The following PIK3C2G variants were observed in gnomAD, a reference collection of about 807,000 sequenced individuals.
PIK3C2G encodes phosphatidylinositol-4-phosphate 3-kinase catalytic subunit type 2 gamma, also known as phosphatidylinositol 3-kinase C2 domain-containing subunit gamma.
Under a neutral mutation model 181.1 loss-of-function variants are expected in PIK3C2G, and 168 were observed. The observed-to-expected ratio is 0.93, with a 90% CI of 0.82 to 1.05. PIK3C2G has a LOEUF of 1.05. Among genes scored for constraint, PIK3C2G ranks in the 50% least tolerant of loss-of-function variants. PIK3C2G has a pLI of 0.00. For missense variants in PIK3C2G, 1,869 were observed against 1,732.8 expected (o/e 1.08, Z -1.40); for synonymous variants, 573 against 592.2 (o/e 0.97, Z 0.47).
chr12:18,545,496 A>G (rs1944374884), intron 25 of PIK3C2G, among the ~76,000 whole-genome samples: 1 of 151,692 alleles, frequency 6.6e-6, no homozygotes, highest in East Asian at 1.9e-4. Flanking sequence ...AGAAGTGCTG[A>G]TAACAGTCTT....
chr12:18,563,611 A>C, intron 28 of PIK3C2G, 113 bp downstream of exon 28: 1 of 896,884 alleles, frequency 1.1e-6, no homozygotes, highest in South Asian at 1.7e-5. Context: ...TCTGACTCCA[A>C]TGCCATTGAA....
At chr12:18,685,678 C>A in the PIK3C2G span, 1 of 515,032 alleles carries the variant, frequency 1.9e-6, no homozygotes, top group African/African-American at 1.9e-5. Flanking sequence ...GAAATAATTT[C>A]ATGGGGTACA....
intron 29 of PIK3C2G, among the ~76,000 whole-genome samples, chr12:18,573,026 C>A (rs148052810): frequency 6.6e-6 from 1 of 152,036 alleles, no homozygotes. Flanking sequence ...TTTCTTAAAA[C>A]GCCACTATTG....
At chr12:18,697,472 A>T in the PIK3C2G span, among the ~76,000 whole-genome samples, 1 of 152,018 alleles carries the variant, frequency 6.6e-6, no homozygotes. Flanking sequence ...TCATTTACAA[A>T]GTAATAAATG....
chr12:18,269,144 C>G (rs1948637830), intron 1 of PIK3C2G, among the ~76,000 whole-genome samples: 1 of 151,996 alleles, frequency 6.6e-6, no homozygotes, highest in Non-Finnish European at 1.5e-5. Context: ...CTCCTGGCCT[C>G]AAGTCTATCC....
rs79791360 is a variant in PIK3C2G, at chr12:18,420,973, T to C, written c.2348T>C (p.Val783Ala). 1.2e-6 allele frequency: 2 copies of C among 1,604,298 alleles called. No homozygotes were observed. Among genetic ancestry groups the C allele is most frequent in the South Asian group, 2.2e-5 (2 of 90,766 alleles). ...GATCAAGAAATTCGTAAAGTGGCAG[T>C]TCAACAATTAGACAACCTCTTGAAT... ...FPDQEIRKVA[V>A]QQLDNLLNDE... Residue 783 changes from valine to alanine, a missense_variant, in exon 17 of 33, where the codon GTT becomes GCT. Coordinates refer to ENST00000538779, the MANE Select transcript of PIK3C2G (RefSeq NM_001288772.2).
chr12:18,692,582 G>A, the PIK3C2G span, among the ~76,000 whole-genome samples: 1 of 152,028 alleles, frequency 6.6e-6, no homozygotes, highest in Non-Finnish European at 1.5e-5. Context: ...GTGCTAGGTG[G>A]GATACAGACA....
chr12:18,366,852 A>T (rs974883665), intron 12 of PIK3C2G, among the ~76,000 whole-genome samples: 2 of 152,092 alleles, frequency 1.3e-5, no homozygotes, highest in African/African-American at 4.8e-5. Context: ...AAGTTAAAAA[A>T]ATTTTCAGTG....
intron 18 of PIK3C2G, among the ~76,000 whole-genome samples, chr12:18,434,497 T>G (rs764577061): frequency 2.6e-5 from 4 of 152,060 alleles, no homozygotes; most frequent in African/African-American, 4.8e-5. Flanking sequence ...TCATAGCATA[T>G]AATTGTAGAA....
intron 6 of PIK3C2G, 99 bp from the exon 7 acceptor site, chr12:18,320,863 A>G: frequency 1.4e-6 from 1 of 690,504 alleles, no homozygotes; most frequent in Non-Finnish European, 2.5e-6. Flanking sequence ...GTTTATCAAA[A>G]TAGGTGAATA....
At chr12:18,287,390 A>G (rs1345024557) in intron 3 of PIK3C2G, among the ~76,000 whole-genome samples, 1 of 152,204 alleles carries the variant, frequency 6.6e-6, no homozygotes, top group Non-Finnish European at 1.5e-5. Flanking sequence ...GCATTGAGAA[A>G]TGAATTTGAT....
chr12:18,452,603 T>G (rs1012370743), intron 18 of PIK3C2G, among the ~76,000 whole-genome samples: 2 of 152,218 alleles, frequency 1.3e-5, no homozygotes, highest in Non-Finnish European at 2.9e-5. Flanking sequence ...TCTTGTCTTC[T>G]GCTAGCTTTT....
intron 6 of PIK3C2G, among the ~76,000 whole-genome samples, chr12:18,314,974 CCT>C (rs961298644): frequency 1.2e-4 from 18 of 152,150 alleles, no homozygotes; most frequent in African/African-American, 4.1e-4. Flanking sequence ...AATTTTATTC[CCT>C]GTGTCATGTT....
intron 31 of PIK3C2G, among the ~76,000 whole-genome samples, chr12:18,627,817 T>C (rs1949170616): frequency 6.6e-6 from 1 of 152,226 alleles, no homozygotes; most frequent in Admixed American, 6.5e-5. Context: ...ACCTCAGGTT[T>C]TGATAGTTCC....
chr12:18,303,114 C>CTTTTT (rs75069930), intron 5 of PIK3C2G, among the ~76,000 whole-genome samples: 1 of 126,012 alleles, frequency 7.9e-6, no homozygotes, highest in East Asian at 2.2e-4. Context: ...TTCTTTCTTT[C>CTTTTT]CTTCTTTCTT....
At chr12:18,294,137 T>G (rs1949834555) in intron 5 of PIK3C2G, 122 bp downstream of exon 5, 1 of 564,766 alleles carries the variant, frequency 1.8e-6, no homozygotes, top group East Asian at 3.0e-5. Context: ...TTAAATCAAT[T>G]TTACCCCCTT....
upstream of PIK3C2G, among the ~76,000 whole-genome samples, chr12:18,258,371 T>C (rs1295029441): frequency 2.0e-5 from 3 of 152,102 alleles, no homozygotes; most frequent in Admixed American, 6.6e-5. Context: ...TGTTGCACAA[T>C]GGACCTCTTG....
chr12:18,309,917 T>A (rs1418211814), intron 5 of PIK3C2G, among the ~76,000 whole-genome samples: 2 of 151,758 alleles, frequency 1.3e-5, no homozygotes, highest in Non-Finnish European at 3.0e-5. Context: ...GTACCTAGAG[T>A]CAGTTGTGTT....
intron 16 of PIK3C2G, among the ~76,000 whole-genome samples, chr12:18,401,174 T>G (rs1944232066): frequency 6.6e-6 from 1 of 152,156 alleles, no homozygotes; most frequent in Non-Finnish European, 1.5e-5. Context: ...TCCTCAGTAT[T>G]GAACCAATCA....
Sources: allele counts gnomAD v4.1 joint callset (sites outside exome capture counted in the v4.1 genomes callset), GRCh38; gene constraint gnomAD v4.1.1; transcripts MANE v1.5; gene names NCBI Gene and HGNC (gene_info 2026-07-23, HGNC 2026-07-21).